Variants in EXOC5 observed in about 807,000 individuals in gnomAD.
The protein encoded by EXOC5 is SEC10-like 1.
EXOC5 carries 17 observed loss-of-function variants against 90.8 expected under a neutral mutation model. The observed-to-expected ratio is 0.19, with a 90% confidence interval of 0.13 to 0.28. The LOEUF (loss-of-function observed/expected upper bound fraction) is 0.28, where lower values mean the gene tolerates loss of function less well. EXOC5 is among the 10% of genes least tolerant of loss of function. EXOC5 has a pLI of 1.00. For synonymous variants in EXOC5, 260 were observed against 270.0 expected (o/e 0.96, Z 0.36); for missense variants, 569 against 830.6 (o/e 0.69, Z 3.87).
At position 57,240,206 on chromosome 14, in the gene EXOC5, TTCTG is replaced by T. The variant is rs1446337447; in HGVS notation, c.466-551_466-548del. Among the ~76,000 whole-genome samples the T allele has an allele frequency of 1.1e-4, 16 of 139,434 alleles. No individual in the cohort carries two copies. The South Asian group carries it at 1.3e-3, about 11-fold the overall frequency. The allele number at this position is 139,434 out of a possible 152,430, so 91.5% of individuals were successfully genotyped here. A position where few individuals can be genotyped will look rare whatever the true frequency, so the allele number is the denominator to read the frequency against. ...ATAGAAATGTGTATATTTCTTTTCT[TTCTG>T]TCTTTTTTTTTTTTTTTGAGACAGA... On this transcript the variant is annotated intron_variant, in intron 4 of 17. Transcript: ENST00000621441.
chr14:57,267,880 T>A (rs1884730492), intron 1 of EXOC5, among the ~76,000 whole-genome samples: 1 of 152,206 alleles, frequency 6.6e-6, no homozygotes, highest in Non-Finnish European at 1.5e-5. Flanking sequence ...ATAATACACT[T>A]AAGGTGCATT....
intron 4 of EXOC5, 83 bp downstream of exon 4, chr14:57,244,082 C>T (rs1883959464): frequency 1.1e-6 from 1 of 894,760 alleles, no homozygotes. Flanking sequence ...TGAAGTCTAA[C>T]TCTGGAAAGC....
chr14:57,240,654 A>G (rs1371549498), intron 4 of EXOC5, among the ~76,000 whole-genome samples: 1 of 152,108 alleles, frequency 6.6e-6, no homozygotes, highest in Admixed American at 6.6e-5. Context: ...TTTAATGCAG[A>G]TATCTGTGCT....
intron 1 of EXOC5, among the ~76,000 whole-genome samples, chr14:57,265,535 C>G (rs148400444): frequency 6.2e-4 from 94 of 152,208 alleles, no homozygotes; most frequent in East Asian, 4.5e-3. Context: ...CCAGCCTGGG[C>G]AACATGGTAA....
At chr14:57,235,680 A>G (rs1395029722) in intron 7 of EXOC5, 31 bp downstream of exon 7, 2 of 1,101,172 alleles carry the variant, frequency 1.8e-6, no homozygotes, top group African/African-American at 3.1e-5. Flanking sequence ...ATAGCCTTGA[A>G]CACTATTCAT....
At chr14:57,254,891 C>T (rs190095960) in intron 1 of EXOC5, among the ~76,000 whole-genome samples, 1 of 152,222 alleles carries the variant, frequency 6.6e-6, no homozygotes, top group East Asian at 1.9e-4. Flanking sequence ...ACTTCTCAGC[C>T]CCCAGAACAC....
intron 9 of EXOC5, among the ~76,000 whole-genome samples, chr14:57,233,451 C>CA (rs1181740150): frequency 3.4e-5 from 5 of 148,878 alleles, no homozygotes; most frequent in Middle Eastern, 3.4e-3. Flanking sequence ...AGGCAGGGAC[C>CA]AAAAAAAAAG....
At chr14:57,220,111 T>C (rs1328012511) in intron 13 of EXOC5, among the ~76,000 whole-genome samples, 1 of 152,110 alleles carries the variant, frequency 6.6e-6, no homozygotes, top group Admixed American at 6.6e-5. Flanking sequence ...TATGCATAGC[T>C]AATGAGAAAA....
intron 1 of EXOC5, among the ~76,000 whole-genome samples, chr14:57,253,153 G>A (rs184495090): frequency 5.9e-4 from 90 of 152,280 alleles, no homozygotes; most frequent in Non-Finnish European, 9.7e-4. Context: ...GAGGCAGGGA[G>A]CAAGAAGAGA....
intron 1 of EXOC5, among the ~76,000 whole-genome samples, chr14:57,267,823 A>T (rs1414141259): frequency 6.6e-6 from 1 of 152,178 alleles, no homozygotes; most frequent in African/African-American, 2.4e-5. Flanking sequence ...CATATTAAGG[A>T]TTCTCTAGCT....
chr14:57,223,361 A>C (rs1594655105), intron 12 of EXOC5, among the ~76,000 whole-genome samples: 2 of 152,150 alleles, frequency 1.3e-5, no homozygotes, highest in Non-Finnish European at 2.9e-5. Context: ...TGTAGTCTTA[A>C]TTCATGTGTC....
intron 5 of EXOC5, among the ~76,000 whole-genome samples, chr14:57,238,123 T>C (rs781594763): frequency 6.6e-6 from 1 of 151,496 alleles, no homozygotes; most frequent in African/African-American, 2.4e-5. Context: ...ACAAAAATGA[T>C]GTATCAAAGT....
At chr14:57,253,384 AAAG>A (rs1486459194) in intron 1 of EXOC5, among the ~76,000 whole-genome samples, 1 of 152,240 alleles carries the variant, frequency 6.6e-6, no homozygotes, top group Non-Finnish European at 1.5e-5. Context: ...GAAAGAAATC[AAAG>A]AAGTCACAAA....
intron 1 of EXOC5, among the ~76,000 whole-genome samples, chr14:57,262,721 GTGTA>G (rs1193009499): frequency 6.8e-6 from 1 of 147,930 alleles, no homozygotes; most frequent in Non-Finnish European, 1.5e-5. Context: ...ATATATGTGT[GTGTA>G]TATATACGTA....
intron 4 of EXOC5, 22 bp downstream of exon 4, chr14:57,244,143 T>C: frequency 6.4e-7 from 1 of 1,566,756 alleles, no homozygotes; most frequent in South Asian, 1.1e-5. Flanking sequence ...GTGATTTGGT[T>C]TTATCCTCTG....
rs763282765 is a variant in EXOC5 at position 57,209,596 on chromosome 14, C to T, written c.1909G>A (p.Glu637Lys). 3.5e-5 allele frequency: 56 copies of T among 1,612,420 alleles called. No individual in the cohort carries two copies. The Admixed American group carries it at 6.8e-4, about 20-fold the overall frequency. The change falls in exon 17 of 18, where the codon GAA becomes AAA. Residue 637 changes from glutamate to lysine, a missense_variant. Coordinates refer to ENST00000621441, the MANE Select transcript of EXOC5 (RefSeq NM_006544.4). ...GGMLAICDVA[E>K]YRKCAKDFKI... ...AAGTCTTTGGCACACTTCCTATATT[C>T]GGCTACATCACAAATGGCCAACATG... is the stretch of plus-strand genomic sequence containing the variant.
In EXOC5 at chr14:57,232,346, A is replaced by C. The variant is rs550993590; in HGVS notation, c.938+321T>G. 22 of 172,404 alleles carry C rather than the reference A, an allele frequency of 1.3e-4. No homozygotes were observed. The South Asian group carries it at 4.2e-3, about 33-fold the overall frequency. 10.7% of individuals were successfully genotyped at this position (172,404 alleles called of 1,614,324 possible). A position where few individuals can be genotyped will look rare whatever the true frequency, so the allele number is the denominator to read the frequency against. On this transcript the variant is annotated intron_variant, in intron 10 of 17. Transcript: ENST00000621441. ...AAAAGCACAAGACAAATTCCTACAG[A>C]AGATTTAGAGCTGAAATTGTCATTT...
At position 57,206,746 on chromosome 14, in the gene EXOC5, T is replaced by C. The variant is rs1407171450; in HGVS notation, c.*1863A>G. The C allele has an allele frequency of 6.6e-6, 1 of 152,512 alleles. No individual in the cohort carries two copies. The highest frequency in any genetic ancestry group is 6.6e-5 in the Admixed American group (1 of 15,258). 9.4% of individuals were successfully genotyped at this position (152,512 alleles called of 1,614,324 possible). On this transcript the variant is annotated 3_prime_UTR_variant, in exon 18 of 18. Coordinates refer to ENST00000621441, the MANE Select transcript of EXOC5 (RefSeq NM_006544.4). ...AAACAAAATAACTAAGCAACAAGTATATGCTTTACATTTTAAAAATTAATC... is the reference window on the plus strand; with the variant it reads ...AAACAAAATAACTAAGCAACAAGTACATGCTTTACATTTTAAAAATTAATC...
chr14:57,209,160 CATT>C (rs1214027038), intron 17 of EXOC5, among the ~76,000 whole-genome samples: 1 of 151,918 alleles, frequency 6.6e-6, no homozygotes, highest in Non-Finnish European at 1.5e-5. Context: ...ACATATATAA[CATT>C]AGTCATGGAT....
Sources: gnomAD v4.1 joint callset for allele counts (sites outside exome capture counted in the v4.1 genomes callset) on GRCh38, gnomAD v4.1.1 for gene constraint, MANE v1.5 for transcripts, NCBI Gene and HGNC (gene_info 2026-07-23, HGNC 2026-07-21) for gene names.